Variants in SDHD observed in about 807,000 individuals in gnomAD.
The protein encoded by SDHD is succinate dehydrogenase [ubiquinone] cytochrome b small subunit, mitochondrial.
In SDHD, 6 loss-of-function variants were observed where a neutral mutation model predicts 18.7. The observed-to-expected ratio is 0.32, with a 90% CI of 0.18 to 0.63. The LOEUF (loss-of-function observed/expected upper bound fraction) is 0.63. Among genes scored for constraint, SDHD ranks in the 30% least tolerant of loss-of-function variants. The pLI, the probability that SDHD is intolerant of heterozygous loss-of-function variation, is 0.79. For synonymous variants in SDHD, 56 were observed against 73.9 expected (o/e 0.76, Z 1.24); for missense variants, 160 against 192.7 (o/e 0.83, Z 1.00).
intron 3 of SDHD, among the ~76,000 whole-genome samples, 163 bp from the exon 4 acceptor site, chr11:112,094,642 C>G (rs1409022982): frequency 6.6e-6 from 1 of 152,136 alleles, no homozygotes; most frequent in Non-Finnish European, 1.5e-5. Flanking sequence ...ACGCAAAAGG[C>G]TATACAGAAT....
chr11:112,089,217 A>G (rs1396807148), intron 3 of SDHD, among the ~76,000 whole-genome samples: 3 of 152,192 alleles, frequency 2.0e-5, no homozygotes, highest in Non-Finnish European at 2.9e-5. Context: ...ATCTAATAGC[A>G]TTTTGAATGT....
intron 3 of SDHD, among the ~76,000 whole-genome samples, chr11:112,089,440 A>G (rs1865704693): frequency 1.3e-5 from 2 of 152,202 alleles, no homozygotes; most frequent in Non-Finnish European, 1.5e-5. Context: ...TCCTGTTAAA[A>G]TGTTAATTAG....
At chr11:112,087,814 A>G in intron 1 of SDHD, 43 bp from the exon 2 acceptor site, 3 of 1,285,878 alleles carry the variant, frequency 2.3e-6, no homozygotes, top group East Asian at 2.3e-5. Context: ...CAGTCCTGTT[A>G]AAGGAGAGGT....
chr11:112,088,994 C>T lies in SDHD; in HGVS notation c.297C>T (p.Leu99=), dbSNP rs749657880. ...SAMDYSLAAA[L]TLHGHWGLGQ... Reference sequence around the variant, plus strand: ...TGGACTATTCCCTGGCTGCAGCCCTCACTCTTCATGGTCACTGGCAAGTAT... The same window carrying T: ...TGGACTATTCCCTGGCTGCAGCCCTTACTCTTCATGGTCACTGGCAAGTAT... Residue 99 remains leucine, a synonymous_variant, in exon 3 of 4, where the codon CTC becomes CTT. Coordinates refer to ENST00000375549, the MANE Select transcript of SDHD (RefSeq NM_003002.4). The T allele has an allele frequency of 3.1e-6, 5 of 1,614,084 alleles. No homozygotes were observed. The Admixed American group carries it at 5.0e-5, about 16-fold the overall frequency.
At chr11:112,094,116 C>G (rs1435674470) in intron 3 of SDHD, among the ~76,000 whole-genome samples, 1 of 151,878 alleles carries the variant, frequency 6.6e-6, no homozygotes, top group Admixed American at 6.6e-5. Flanking sequence ...AAATAAAAAA[C>G]AGGCCAGGCG....
intron 2 of SDHD, chr11:112,088,205 T>C (rs765768927): frequency 8.4e-5 from 45 of 535,938 alleles, no homozygotes; most frequent in Non-Finnish European, 1.4e-4. Flanking sequence ...TTTCTTTTGT[T>C]TTCTTTTTTT....
In SDHD at chr11:112,095,732, A is replaced by G. The variant is rs191837062; in HGVS notation, c.*762A>G. ...ATGGGAATCTCTAATGTGAAAATGT[A>G]TTCTATGAAAATAATTTTTTTAAAT... On this transcript the variant is annotated 3_prime_UTR_variant, in exon 4 of 4. Transcript: ENST00000375549. The G allele has an allele frequency of 3.0e-4, 65 of 215,156 alleles. No individual in the cohort carries two copies. The East Asian group carries it at 3.8e-3, about 13-fold the overall frequency. 13.3% of individuals were successfully genotyped at this position (215,156 alleles called of 1,614,324 possible).
At chr11:112,091,028 CT>C in intron 3 of SDHD, 1 of 806,296 alleles carries the variant, frequency 1.2e-6, no homozygotes, top group South Asian at 5.7e-5. Context: ...TTTTGTAGGA[CT>C]GGTTAGGAGA....
chr11:112,088,775 G>C, intron 2 of SDHD, 92 bp from the exon 3 acceptor site: 1 of 1,359,112 alleles, frequency 7.4e-7, no homozygotes, highest in Non-Finnish European at 1.1e-6. Context: ...TATGTACACT[G>C]CCTGTCAGTT....
intron 3 of SDHD, chr11:112,090,957 A>G (rs1290807337): frequency 8.0e-6 from 2 of 250,488 alleles, no homozygotes; most frequent in Non-Finnish European, 1.3e-5. Flanking sequence ...TGGCCTCCCA[A>G]AGTGCTGGGA....
Position 112,088,944 on chromosome 11 carries a change from G to C in SDHD, c.247G>C (p.Ala83Pro), listed in dbSNP as rs202239399. The C allele has an allele frequency of 6.2e-7, 1 of 1,613,944 alleles. No homozygotes were observed. Among genetic ancestry groups the C allele is most frequent in the East Asian group, 2.2e-5 (1 of 44,880 alleles). ...SVLLLGLLPA[A>P]YLNPCSAMDY... ...TTTGCTCCTGGGTCTGCTTCCGGCT[G>C]CTTATTTGAATCCTTGCTCTGCGAT... is the stretch of plus-strand genomic sequence containing the variant. Residue 83 changes from alanine (A) to proline (P), a missense_variant, in exon 3 of 4, where the codon GCT (alanine) becomes CCT (proline). By Grantham distance (27) the Ala-to-Pro change is conservative (BLOSUM62 -1). Coordinates refer to ENST00000375549, the MANE Select transcript of SDHD (RefSeq NM_003002.4).
chr11:112,091,226 T>A, intron 3 of SDHD: 3 of 354,770 alleles, frequency 8.5e-6, no homozygotes, highest in Non-Finnish European at 1.2e-5. Flanking sequence ...TAGCCTGTAT[T>A]AATTGGGGTC....
At position 112,095,226 on chromosome 11, in the gene SDHD, A is replaced by G. The variant is rs201088390; in HGVS notation, c.*256A>G. The G allele has an allele frequency of 5.9e-6, 3 of 507,028 alleles. No individual in the cohort carries two copies. The allele number at this position is 507,028 out of a possible 1,614,324, so 31.4% of individuals were successfully genotyped here. On this transcript the variant is annotated 3_prime_UTR_variant, in exon 4 of 4. Transcript: ENST00000375549. ...CCTCCCAGCTTCTTATAAGACTCAC[A>G]GTATAACTAAACATGATATATCAGC...
intron 3 of SDHD, among the ~76,000 whole-genome samples, 183 bp from the exon 4 acceptor site, chr11:112,094,622 T>G (rs1345029834): frequency 6.6e-6 from 1 of 152,120 alleles, no homozygotes; most frequent in Non-Finnish European, 1.5e-5. Context: ...ATAGACTTAC[T>G]GACATACACA....
In SDHD at chr11:112,091,693, A is replaced by C. The variant is rs543897537; in HGVS notation, c.314+2682A>C. Among the ~76,000 whole-genome samples the C allele has an allele frequency of 1.1e-4, 16 of 152,136 alleles. No individual in the cohort carries two copies. The East Asian group carries it at 2.7e-3, about 26-fold the overall frequency. ...AACCCCCTTCTCAAAGCTATGCTCA[A>C]ACTAAAATTCTTAGGAGTCATTCTA... On this transcript the variant is annotated intron_variant, in intron 3 of 3. Transcript: ENST00000375549.
rs2135269810 is a variant in SDHD at position 112,088,999 on chromosome 11, T to A, written c.302T>A (p.Leu101His). 2 of 1,614,242 alleles carry A rather than the reference T, an allele frequency of 1.2e-6. No homozygotes were observed. The highest frequency in any genetic ancestry group is 8.5e-7 in the Non-Finnish European group (1 of 1,180,024). ...TATTCCCTGGCTGCAGCCCTCACTC[T>A]TCATGGTCACTGGCAAGTATAGCAA... ...MDYSLAAALT[L>H]HGHWGLGQVV... is the part of the protein sequence containing the mutation. The change falls in exon 3 of 4, where the codon CTT becomes CAT. Residue 101 changes from leucine to histidine, a missense_variant. Physicochemically the swap from Leu to His is moderately conservative, Grantham distance 99. Coordinates refer to ENST00000375549, the MANE Select transcript of SDHD (RefSeq NM_003002.4).
At chr11:112,087,062 G>A in intron 1 of SDHD, 103 bp downstream of exon 1, 1 of 1,284,084 alleles carries the variant, frequency 7.8e-7, no homozygotes, top group East Asian at 2.4e-5. Flanking sequence ...TTGAGGAGAA[G>A]AAAATACCGA....
chr11:112,087,809 C>A (rs1257380948), intron 1 of SDHD, 48 bp from the exon 2 acceptor site: 3 of 1,201,576 alleles, frequency 2.5e-6, no homozygotes, highest in Admixed American at 1.7e-5. Flanking sequence ...TTTGTCAGTC[C>A]TGTTAAAGGA....
At chr11:112,090,391 G>A (rs1205185211) in intron 3 of SDHD, among the ~76,000 whole-genome samples, 1 of 152,172 alleles carries the variant, frequency 6.6e-6, no homozygotes, top group Non-Finnish European at 1.5e-5. Context: ...GATTACAGGC[G>A]TGAGCCACCA....
Sources: gnomAD v4.1 joint callset for allele counts (sites outside exome capture counted in the v4.1 genomes callset) on GRCh38, gnomAD v4.1.1 for gene constraint, MANE v1.5 for transcripts, NCBI Gene and HGNC (gene_info 2026-07-23, HGNC 2026-07-21) for gene names.